Variants in RAB3GAP1 observed in about 807,000 individuals in gnomAD.
RAB3GAP1 encodes RAB3 GTPase activating protein catalytic subunit 1, also known as rab3 GTPase-activating protein catalytic subunit.
A neutral mutation model predicts 130.7 loss-of-function variants in RAB3GAP1; 86 were observed. The ratio of observed to expected loss-of-function variants is 0.66; its 90% CI spans 0.55 to 0.79. The LOEUF is 0.79. Ranked by LOEUF, RAB3GAP1 falls within the 30% of genes least tolerant of loss-of-function variation. RAB3GAP1 has a pLI of 0.00. For missense variants in RAB3GAP1, 1,029 were observed against 1,169.4 expected (o/e 0.88, Z 1.75); for synonymous variants, 367 against 401.7 (o/e 0.91, Z 1.03).
Position 135,052,482 on chromosome 2 carries a change from A to T in RAB3GAP1, c.71A>T (p.Glu24Val), listed in dbSNP as rs587777155. The T allele has an allele frequency of 2.5e-6, 4 of 1,613,622 alleles. No individual in the cohort carries two copies. The highest frequency in any genetic ancestry group is 3.4e-6 in the Non-Finnish European group (4 of 1,180,026). The change falls in exon 2 of 24, where the codon GAA becomes GTA. Residue 24 changes from glutamate (E) to valine (V), a missense_variant. Transcript: ENST00000264158. ...GACTTCACCACTGCCTCGGAATGGG[A>T]AAGGTGAGTGAATCGCATTTTTGGT... Reference protein sequence around the residue: ...ITDFTTASEWERFISKVEEVL... With the variant: ...ITDFTTASEWVRFISKVEEVL...
At position 135,059,521 on chromosome 2, in the gene RAB3GAP1, TATATG is replaced by T. The variant is rs1185822307; in HGVS notation, c.150+1439_150+1443del. Among the ~76,000 whole-genome samples the T allele has an allele frequency of 2.6e-4, 40 of 152,310 alleles. 1 individual carries two copies. Among genetic ancestry groups the T allele is most frequent in the South Asian group, 6.2e-4 (3 of 4,830 alleles). On this transcript the variant is annotated intron_variant, in intron 3 of 23. Transcript: ENST00000264158. ...ATTTTATTATTATTTTTTAAATTGA[TATATG>T]ATAGATGTACATATTTTGGGGTACA...
intron 13 of RAB3GAP1, among the ~76,000 whole-genome samples, chr2:135,131,964 A>G (rs916748867): frequency 9.2e-5 from 14 of 152,352 alleles, no homozygotes; most frequent in Non-Finnish European, 1.3e-4. Flanking sequence ...ATCCCCTGCC[A>G]TTTATCTGAA....
At chr2:135,136,576 G>T (rs1488232337) in intron 17 of RAB3GAP1, 2 of 334,610 alleles carry the variant, frequency 6.0e-6, no homozygotes, top group African/African-American at 2.2e-5. Context: ...TATATAAGGT[G>T]ATTTATAAAC....
chr2:135,169,837 G>A lies in RAB3GAP1; in HGVS notation c.*1056G>A, dbSNP rs946863592. ...ATGTCTTGTGTCTGTGTGGCTAGAT[G>A]GCCTCTGCTTGGTAATCTTATTTTT... is the stretch of plus-strand genomic sequence containing the variant. On this transcript the variant is annotated 3_prime_UTR_variant, in exon 24 of 24. Transcript: ENST00000264158. 1.4e-5 allele frequency: 6 copies of A among 438,616 alleles called. No individual in the cohort carries two copies. Among genetic ancestry groups the A allele is most frequent in the Admixed American group, 2.5e-5 (1 of 40,354 alleles). The allele number at this position is 438,616 out of a possible 1,614,324, so 27.2% of individuals were successfully genotyped here.
At chr2:135,165,462 CAA>C (rs1692612654) in intron 23 of RAB3GAP1, among the ~76,000 whole-genome samples, 1 of 151,960 alleles carries the variant, frequency 6.6e-6, no homozygotes, top group Non-Finnish European at 1.5e-5. Flanking sequence ...TTTTCAGAAA[CAA>C]ATAAGAAAAA....
rs555348969 is a variant in RAB3GAP1, at chr2:135,128,335, A to C, written c.974-1660A>C. Among the ~76,000 whole-genome samples the C allele has an allele frequency of 5.3e-5, 8 of 152,300 alleles. No individual in the cohort carries two copies. In the South Asian group the frequency reaches 1.2e-3, roughly 24 times the overall value. On this transcript the variant is annotated intron_variant, in intron 11 of 23. Coordinates refer to ENST00000264158, the MANE Select transcript of RAB3GAP1 (RefSeq NM_012233.3). ...AAGTTTCTTAATCTTTTTAAGCCCC[A>C]GAGTCCTCATAAATAAAATAGAGAT...
intron 5 of RAB3GAP1, among the ~76,000 whole-genome samples, chr2:135,105,202 TTCCCTCTCCCC>T (rs1690559779): frequency 1.8e-5 from 1 of 54,560 alleles, no homozygotes; most frequent in African/African-American, 8.0e-5. Context: ...CCTCTCCCCC[TTCCCTCTCCCC>T]CTCCCCCTTC....
At chr2:135,165,260 G>T (rs1692604116) in intron 23 of RAB3GAP1, 1 of 413,136 alleles carries the variant, frequency 2.4e-6, no homozygotes, top group Non-Finnish European at 4.7e-6. Flanking sequence ...ACCTCTAGTA[G>T]TGAAAGTAAA....
chr2:135,081,774 G>A (rs1558766838), intron 3 of RAB3GAP1, among the ~76,000 whole-genome samples: 2 of 152,090 alleles, frequency 1.3e-5, no homozygotes, highest in Admixed American at 6.5e-5. Flanking sequence ...ATTATAAACC[G>A]CCTGGGTTCT....
At chr2:135,093,989 C>T (rs981216257) in intron 5 of RAB3GAP1, among the ~76,000 whole-genome samples, 128 of 152,300 alleles carry the variant, frequency 8.4e-4, no homozygotes, top group African/African-American at 2.9e-3. Context: ...CTATCAGGGA[C>T]AGTGTTAGAG....
intron 3 of RAB3GAP1, among the ~76,000 whole-genome samples, chr2:135,074,230 G>C (rs1184152261): frequency 6.6e-6 from 1 of 152,146 alleles, no homozygotes; most frequent in Non-Finnish European, 1.5e-5. Flanking sequence ...TGAGAAAGAG[G>C]GGGGTCTGAC....
chr2:135,130,595 G>A lies in RAB3GAP1; in HGVS notation c.1110G>A (p.Pro370=), dbSNP rs751030357. The A allele has an allele frequency of 1.2e-5, 20 of 1,613,412 alleles. No individual in the cohort carries two copies. The highest frequency in any genetic ancestry group is 5.0e-5 in the Admixed American group (3 of 59,974). The stretch of plus-strand genomic sequence containing the variant: ...ATGCTTTGTCAAAATTGACAGAGCC[G>A]GCATCAGTTCCAATTCATAAATTAT... ...ITHALSKLTE[P]ASVPIHKLSV... The change falls in exon 13 of 24, where the codon CCG becomes CCA. Residue 370 remains proline, a synonymous_variant. Transcript: ENST00000264158.
chr2:135,053,063 C>T (rs1688923549), intron 2 of RAB3GAP1, among the ~76,000 whole-genome samples: 2 of 152,218 alleles, frequency 1.3e-5, no homozygotes, highest in African/African-American at 4.8e-5. Context: ...GAGGTCATAG[C>T]TTACTGCGGC....
intron 19 of RAB3GAP1, among the ~76,000 whole-genome samples, chr2:135,157,658 C>G (rs967607061): frequency 1.3e-5 from 2 of 151,756 alleles, no homozygotes; most frequent in Admixed American, 1.3e-4. Context: ...GTGGTGAAAC[C>G]CCATCTCTAC....
chr2:135,174,187 T>TAGC (rs1692940012), downstream of RAB3GAP1, among the ~76,000 whole-genome samples: 1 of 152,208 alleles, frequency 6.6e-6, no homozygotes. Flanking sequence ...CAGGGAGCGT[T>TAGC]CTTGGCCTTA....
intron 3 of RAB3GAP1, among the ~76,000 whole-genome samples, chr2:135,075,723 T>G (rs766354543): frequency 6.6e-6 from 1 of 151,724 alleles, no homozygotes; most frequent in African/African-American, 2.4e-5. Context: ...TCCTCAAATA[T>G]CTGACGATCT....
chr2:135,081,328 A>AAG (rs1689800976), intron 3 of RAB3GAP1, among the ~76,000 whole-genome samples: 1 of 55,406 alleles, frequency 1.8e-5, no homozygotes, highest in Non-Finnish European at 2.7e-5. Context: ...AAAAAAAAAA[A>AAG]TATATATATA....
chr2:135,114,137 A>G (rs1690900575), intron 6 of RAB3GAP1, among the ~76,000 whole-genome samples: 1 of 152,248 alleles, frequency 6.6e-6, no homozygotes. Context: ...TTGGTATATA[A>G]GGACAAAACT....
At chr2:135,152,546 A>G (rs1692205368) in intron 18 of RAB3GAP1, among the ~76,000 whole-genome samples, 1 of 152,172 alleles carries the variant, frequency 6.6e-6, no homozygotes, top group Non-Finnish European at 1.5e-5. Flanking sequence ...AGATCTTTGT[A>G]CATGAATCCT....
Sources: allele counts gnomAD v4.1 joint callset (sites outside exome capture counted in the v4.1 genomes callset), GRCh38; gene constraint gnomAD v4.1.1; transcripts MANE v1.5; gene names NCBI Gene and HGNC (gene_info 2026-07-23, HGNC 2026-07-21).